Variants in IGFBP7 observed in about 807,000 individuals in gnomAD.
IGFBP7 encodes the protein insulin-like growth factor-binding protein 7.
A neutral mutation model predicts 29.4 loss-of-function variants in IGFBP7; 31 were observed. That is an observed-to-expected ratio of 1.05 (90% CI 0.79 to 1.42). The LOEUF is 1.42. Ranked by LOEUF, IGFBP7 falls within the 40% of genes most tolerant of loss-of-function variation. IGFBP7 has a pLI of 0.00. For synonymous variants in IGFBP7, 172 were observed against 174.9 expected (o/e 0.98, Z 0.13); for missense variants, 393 against 395.5 (o/e 0.99, Z 0.05).
chr4:57,088,545 A>G lies in IGFBP7; in HGVS notation c.475+21332T>C, dbSNP rs578141736. On this transcript the variant is annotated intron_variant, in intron 1 of 4. Transcript: ENST00000295666. ...GGAAGAATGAAGGTAAAAGTACCAT[A>G]GTATGACATTTGAGGGCTGTTTCTG... Among the ~76,000 whole-genome samples, 337 of 152,212 alleles carry G rather than the reference A, an allele frequency of 2.2e-3. 3 individuals carry two copies. Among genetic ancestry groups the G allele is most frequent in the African/African-American group, 7.8e-3 (324 of 41,544 alleles).
chr4:57,073,376 C>A (rs1367564032), intron 1 of IGFBP7, among the ~76,000 whole-genome samples: 1 of 151,928 alleles, frequency 6.6e-6, no homozygotes, highest in Non-Finnish European at 1.5e-5. Context: ...GGGAGGATTG[C>A]TTGAGTTCAG....
chr4:57,037,629 G>C (rs182714171), intron 2 of IGFBP7, among the ~76,000 whole-genome samples: 1 of 152,118 alleles, frequency 6.6e-6, no homozygotes, highest in Non-Finnish European at 1.5e-5. Flanking sequence ...AGTCCTAAAA[G>C]GGAAAAGATT....
At chr4:57,068,270 A>G (rs1421395096) in intron 1 of IGFBP7, among the ~76,000 whole-genome samples, 1 of 151,502 alleles carries the variant, frequency 6.6e-6, no homozygotes, top group Admixed American at 6.6e-5. Flanking sequence ...AGCCTGGGTG[A>G]CAGAGACCCT....
At chr4:57,048,753 C>G (rs876858) in intron 1 of IGFBP7, among the ~76,000 whole-genome samples, 37,623 of 151,980 alleles carry the variant, frequency 0.25, 5,195 homozygotes, top group South Asian at 0.41. Context: ...CAAAGCACTC[C>G]CCAGCCATGA....
intron 1 of IGFBP7, among the ~76,000 whole-genome samples, chr4:57,050,838 A>G (rs1290509307): frequency 6.6e-6 from 1 of 151,772 alleles, no homozygotes; most frequent in African/African-American, 2.4e-5. Flanking sequence ...GGTTACAGGC[A>G]TGAGCCACTG....
At chr4:57,036,380 G>A (rs553435915) in intron 2 of IGFBP7, among the ~76,000 whole-genome samples, 3 of 152,048 alleles carry the variant, frequency 2.0e-5, no homozygotes, top group Admixed American at 1.3e-4. Context: ...TACCTTAGAG[G>A]TCACTATTTT....
At chr4:57,062,164 G>A (rs1277296) in intron 1 of IGFBP7, among the ~76,000 whole-genome samples, 138,045 of 152,148 alleles carry the variant, frequency 0.91, 62,756 homozygotes, top group East Asian at 0.98. Context: ...CGATGCTACC[G>A]TGATACCTGT....
rs1726159137 is a variant in IGFBP7 at position 57,110,219 on chromosome 4, G to T, written c.133C>A (p.Pro45Thr). ...GTCTCGCCCAGCAGGCAGCCCAGCG[G>T]GGGCAGGGGCGGGCAGGAGGCCGGC... The part of the protein sequence containing the change: ...CEPASCPPLP[P>T]LGCLLGETRD... Residue 45 changes from proline (P) to threonine (T), a missense_variant, in exon 1 of 5, where the codon CCG becomes ACG. Pro to Thr is a conservative substitution (Grantham distance 38, BLOSUM62 -1). Coordinates refer to ENST00000295666, the MANE Select transcript of IGFBP7 (RefSeq NM_001553.3). The T allele has an allele frequency of 2.9e-6, 4 of 1,370,804 alleles. No homozygotes were observed. The East Asian group carries it at 1.2e-4, about 42-fold the overall frequency. 84.9% of individuals were successfully genotyped at this position (1,370,804 alleles called of 1,614,324 possible).
intron 1 of IGFBP7, among the ~76,000 whole-genome samples, chr4:57,066,446 C>G (rs1345514778): frequency 6.6e-6 from 1 of 152,164 alleles, no homozygotes; most frequent in Non-Finnish European, 1.5e-5. Flanking sequence ...CTAAGCTACT[C>G]CCAAGTTTTT....
intron 1 of IGFBP7, among the ~76,000 whole-genome samples, chr4:57,067,754 G>A (rs1409206109): frequency 6.6e-6 from 1 of 152,068 alleles, no homozygotes; most frequent in Non-Finnish European, 1.5e-5. Context: ...ATTCAAAGCA[G>A]TGATTGCTTT....
intron 1 of IGFBP7, among the ~76,000 whole-genome samples, chr4:57,070,098 AAAACACCG>A (rs1216908709): frequency 2.6e-5 from 4 of 152,104 alleles, no homozygotes; most frequent in Admixed American, 1.3e-4. Context: ...CAAAAGACAA[AAAACACCG>A]AAATGGAAGG....
chr4:57,089,847 G>C (rs1022612750), intron 1 of IGFBP7, among the ~76,000 whole-genome samples: 18 of 152,162 alleles, frequency 1.2e-4, no homozygotes, highest in Non-Finnish European at 2.1e-4. Flanking sequence ...CATGTGGCTG[G>C]CATTGTCCTT....
At chr4:57,058,685 C>G (rs941347104) in intron 1 of IGFBP7, among the ~76,000 whole-genome samples, 18 of 152,086 alleles carry the variant, frequency 1.2e-4, no homozygotes, top group African/African-American at 4.1e-4. Flanking sequence ...GACATAGGAA[C>G]AGGTAAATAT....
chr4:57,103,865 T>C (rs896613930), intron 1 of IGFBP7, among the ~76,000 whole-genome samples: 5 of 151,916 alleles, frequency 3.3e-5, no homozygotes, highest in Non-Finnish European at 7.4e-5. Context: ...CTCACTATGT[T>C]GCCCAGGCTG....
In IGFBP7 at chr4:57,110,083, C is replaced by G; in HGVS notation, c.269G>C (p.Ser90Thr). 6.4e-7 allele frequency: 1 copy of G among 1,554,168 alleles called. No homozygotes were observed. The highest frequency in any genetic ancestry group is 8.7e-7 in the Non-Finnish European group (1 of 1,155,980). Reference protein sequence around the residue: ...YCAPGMECVKSRKRRKGKAGA... With the variant: ...YCAPGMECVKTRKRRKGKAGA... Reference sequence around the variant, plus strand: ...GGCTTTACCCTTCCGCCTCTTGCGGCTCTTCACGCACTCCATGCCCGGCGC... The same window carrying G: ...GGCTTTACCCTTCCGCCTCTTGCGGGTCTTCACGCACTCCATGCCCGGCGC... The change falls in exon 1 of 5, where the codon AGC becomes ACC. Residue 90 changes from serine to threonine, a missense_variant. By Grantham distance (58) the Ser-to-Thr change is moderately conservative (BLOSUM62 1). Transcript: ENST00000295666.
intron 1 of IGFBP7, among the ~76,000 whole-genome samples, chr4:57,086,525 C>T (rs958292815): frequency 2.6e-5 from 4 of 152,148 alleles, no homozygotes; most frequent in African/African-American, 9.7e-5. Flanking sequence ...TGTGTCTTTC[C>T]ACCTAGCTGC....
At chr4:57,080,483 C>T (rs1348960469) in intron 1 of IGFBP7, among the ~76,000 whole-genome samples, 1 of 152,160 alleles carries the variant, frequency 6.6e-6, no homozygotes, top group African/African-American at 2.4e-5. Flanking sequence ...AACCTTTCTT[C>T]CAATACTGAG....
At chr4:57,034,486 A>AT (rs1227762549) in intron 2 of IGFBP7, among the ~76,000 whole-genome samples, 1 of 152,022 alleles carries the variant, frequency 6.6e-6, no homozygotes, top group Admixed American at 6.6e-5. Flanking sequence ...TTTCCTTTTC[A>AT]TTTTCTTCTA....
chr4:57,109,358 G>A (rs1726113749), intron 1 of IGFBP7, among the ~76,000 whole-genome samples: 1 of 152,148 alleles, frequency 6.6e-6, no homozygotes, highest in Non-Finnish European at 1.5e-5. Flanking sequence ...AGGATCGCTT[G>A]AGGCAGAGGT....
Sources: allele counts gnomAD v4.1 joint callset (sites outside exome capture counted in the v4.1 genomes callset), GRCh38; gene constraint gnomAD v4.1.1; transcripts MANE v1.5; gene names NCBI Gene and HGNC (gene_info 2026-07-23, HGNC 2026-07-21).